The following ZNF362 variants were observed in gnomAD, a reference collection of about 807,000 sequenced individuals.
ZNF362 encodes the protein zinc finger protein 362, also known as rotund homolog.
In ZNF362, 11 loss-of-function variants were observed where a neutral mutation model predicts 42.9. That is an observed-to-expected ratio of 0.26 (90% CI 0.16 to 0.42). ZNF362 has a LOEUF of 0.42. ZNF362 is among the 20% of genes least tolerant of loss of function. The pLI is 1.00. For synonymous variants in ZNF362, 255 were observed against 257.3 expected (o/e 0.99, Z 0.09); for missense variants, 362 against 576.2 (o/e 0.63, Z 3.81).
At chr1:33,168,819 G>T in the ZNF362 span, among the ~76,000 whole-genome samples, 2 of 152,220 alleles carry the variant, frequency 1.3e-5, no homozygotes, top group Admixed American at 1.3e-4. Flanking sequence ...GATGGGCCAA[G>T]TGCTACAATT....
chr1:33,180,169 A>G, the ZNF362 span, among the ~76,000 whole-genome samples: 1 of 152,140 alleles, frequency 6.6e-6, no homozygotes, highest in African/African-American at 2.4e-5. Context: ...GTACCGTTTC[A>G]CTTAGTCTTC....
the ZNF362 span, among the ~76,000 whole-genome samples, chr1:33,135,585 G>C: frequency 5.9e-5 from 9 of 152,186 alleles, no homozygotes; most frequent in African/African-American, 2.2e-4. Context: ...TCTCACATTG[G>C]ATCCTCAGCC....
At chr1:33,213,244 T>C in the ZNF362 span, among the ~76,000 whole-genome samples, 13 of 152,146 alleles carry the variant, frequency 8.5e-5, no homozygotes, top group Non-Finnish European at 1.8e-4. Context: ...CCCACCCACC[T>C]CAGCCTCCTA....
At chr1:33,192,657 A>G in the ZNF362 span, among the ~76,000 whole-genome samples, 2 of 152,190 alleles carry the variant, frequency 1.3e-5, no homozygotes, top group Non-Finnish European at 2.9e-5. Context: ...TAAGGGAACC[A>G]GGGTATTTAT....
At chr1:33,289,942 G>T (rs12748225) in intron 6 of ZNF362, among the ~76,000 whole-genome samples, 34,025 of 152,024 alleles carry the variant, frequency 0.22, 3,900 homozygotes, top group South Asian at 0.28. Flanking sequence ...AAAGGGACTT[G>T]TATGCTCAGA....
chr1:33,262,354 G>A (rs1418192420), intron 1 of ZNF362, among the ~76,000 whole-genome samples: 1 of 77,612 alleles, frequency 1.3e-5, no homozygotes, highest in East Asian at 3.7e-4. Context: ...CCCCAGGCTG[G>A]AGTGCAGTAG....
At position 33,288,464 on chromosome 1, in the gene ZNF362, G is replaced by A. The variant is rs191784189; in HGVS notation, c.909-6473G>A. ...AGAGGAGTGACCACCAGCCGGGTGCGGTGGTGGCTCATTCCTGTAATCCCA... is the reference window on the plus strand; with the variant it reads ...AGAGGAGTGACCACCAGCCGGGTGCAGTGGTGGCTCATTCCTGTAATCCCA... On this transcript the variant is annotated intron_variant, in intron 6 of 8. Coordinates refer to ENST00000539719, the MANE Select transcript of ZNF362 (RefSeq NM_152493.3). Among the ~76,000 whole-genome samples the A allele has an allele frequency of 6.5e-3, 994 of 152,150 alleles. 5 individuals are homozygous for A. The highest frequency in any genetic ancestry group is 0.023 in the African/African-American group (940 of 41,524).
At chr1:33,283,005 T>C (rs529105672) in intron 6 of ZNF362, among the ~76,000 whole-genome samples, 3 of 152,166 alleles carry the variant, frequency 2.0e-5, no homozygotes, top group African/African-American at 7.2e-5. Flanking sequence ...TGTGTGAGCA[T>C]TGTCACGTGT....
chr1:33,242,325 G>A, the ZNF362 span, among the ~76,000 whole-genome samples: 4 of 152,260 alleles, frequency 2.6e-5, no homozygotes, highest in African/African-American at 9.6e-5. Flanking sequence ...TACAGTGACC[G>A]TGGTGTCACA....
At chr1:33,275,727 G>A (rs1287779728) in intron 2 of ZNF362, among the ~76,000 whole-genome samples, 1 of 152,180 alleles carries the variant, frequency 6.6e-6, no homozygotes, top group Admixed American at 6.5e-5. Context: ...CTCTGGACTT[G>A]GGGGGCCTTC....
the ZNF362 span, among the ~76,000 whole-genome samples, chr1:33,233,531 G>A: frequency 6.6e-6 from 1 of 152,102 alleles, no homozygotes; most frequent in African/African-American, 2.4e-5. Flanking sequence ...AGCCTCCTGA[G>A]TAGCTAGGAT....
At chr1:33,181,555 A>G in the ZNF362 span, 2 of 1,417,352 alleles carry the variant, frequency 1.4e-6, no homozygotes, top group South Asian at 3.0e-5. This position sits in a 1 kb window ranked among gnomAD's most constrained non-coding sequence, Gnocchi z 6.5. Flanking sequence ...CAGGGGTAGG[A>G]GCTACCGGAG....
chr1:33,218,490 C>G, the ZNF362 span, among the ~76,000 whole-genome samples: 45 of 152,250 alleles, frequency 3.0e-4, no homozygotes, highest in African/African-American at 9.6e-4. Context: ...TAGTACCAAT[C>G]TCACTGCTAC....
At chr1:33,195,941 C>T in the ZNF362 span, 2 of 151,980 alleles carry the variant, frequency 1.3e-5, no homozygotes, top group Non-Finnish European at 2.9e-5. Context: ...AACTTTTGGG[C>T]TCTTCTGTAA....
chr1:33,191,937 G>A, the ZNF362 span, among the ~76,000 whole-genome samples: 1 of 152,234 alleles, frequency 6.6e-6, no homozygotes, highest in Admixed American at 6.5e-5. Flanking sequence ...CAAGGCATCT[G>A]CCTTAGGGGA....
At position 33,295,022 on chromosome 1, in the gene ZNF362, G is replaced by A. The variant is rs1025019798; in HGVS notation, c.987+7G>A. On this transcript the variant is annotated splice_region_variant and intron_variant, in intron 7 of 8. Transcript: ENST00000539719. Reference sequence around the variant, plus strand: ...TCAGCTCTCCAACCTCCAGGTGAGTGCCTGCCTGCCTCCTGCCCACCAGGT... The same window carrying A: ...TCAGCTCTCCAACCTCCAGGTGAGTACCTGCCTGCCTCCTGCCCACCAGGT... The A allele has an allele frequency of 2.5e-6, 4 of 1,613,944 alleles. No homozygotes were observed. The highest frequency in any genetic ancestry group is 1.7e-4 in the Middle Eastern group (1 of 6,056).
chr1:33,141,900 A>T, the ZNF362 span: 1 of 155,140 alleles, frequency 6.4e-6, no homozygotes, highest in East Asian at 1.7e-4. Flanking sequence ...TTTCATCAAG[A>T]TAGAAAATAA....
chr1:33,188,859 G>A, the ZNF362 span, among the ~76,000 whole-genome samples: 1 of 152,286 alleles, frequency 6.6e-6, no homozygotes, highest in African/African-American at 2.4e-5. Flanking sequence ...TCTCTGCGAT[G>A]GACACCCTCT....
chr1:33,212,519 T>C, the ZNF362 span, among the ~76,000 whole-genome samples: 13 of 152,292 alleles, frequency 8.5e-5, no homozygotes, highest in East Asian at 2.3e-3. Context: ...TGAGTCACAG[T>C]ACTGCAGGCT....
Sources: allele counts gnomAD v4.1 joint callset (sites outside exome capture counted in the v4.1 genomes callset), GRCh38; gene constraint gnomAD v4.1.1; non-coding constraint Gnocchi (gnomAD v3.1); transcripts MANE v1.5; gene names NCBI Gene and HGNC (gene_info 2026-07-23, HGNC 2026-07-21).